Variants in MAGI2 observed in about 807,000 individuals in gnomAD.
MAGI2 encodes membrane-associated guanylate kinase, WW and PDZ domain-containing protein 2.
In MAGI2, 35 loss-of-function variants were observed where a neutral mutation model predicts 133.3. The observed-to-expected ratio is 0.26, with a 90% CI of 0.20 to 0.35. The LOEUF (loss-of-function observed/expected upper bound fraction) is 0.35, where lower values mean the gene tolerates loss of function less well. Ranked by LOEUF, MAGI2 falls within the 10% of genes least tolerant of loss-of-function variation. MAGI2 has a pLI of 1.00. For missense variants in MAGI2, 1,636 were observed against 1,863.4 expected (o/e 0.88, Z 2.25); for synonymous variants, 729 against 710.6 (o/e 1.03, Z -0.41).
At chr7:78,060,168 C>T (rs1431140706) in intron 21 of MAGI2, among the ~76,000 whole-genome samples, 1 of 151,672 alleles carries the variant, frequency 6.6e-6, no homozygotes, top group Admixed American at 6.6e-5. Flanking sequence ...AGTTTTCTTC[C>T]ACTCAACAAT....
intron 9 of MAGI2, among the ~76,000 whole-genome samples, chr7:78,278,430 G>A (rs1033057150): frequency 1.3e-5 from 2 of 152,006 alleles, no homozygotes; most frequent in South Asian, 2.1e-4. Flanking sequence ...GGATTGATAT[G>A]GTTTTTATAA....
At chr7:78,038,772 A>C (rs544135103) in intron 21 of MAGI2, among the ~76,000 whole-genome samples, 1 of 152,390 alleles carries the variant, frequency 6.6e-6, no homozygotes, top group East Asian at 1.9e-4. Flanking sequence ...AGTGAATGAT[A>C]GTTGCAGGAA....
At chr7:78,415,031 G>T (rs1333956470) in intron 6 of MAGI2, among the ~76,000 whole-genome samples, 1 of 151,966 alleles carries the variant, frequency 6.6e-6, no homozygotes, top group East Asian at 1.9e-4. Flanking sequence ...TTCATAAAAA[G>T]GTCCAACTTA....
intron 2 of MAGI2, among the ~76,000 whole-genome samples, chr7:78,796,274 A>T (rs1583922895): frequency 6.6e-6 from 1 of 152,332 alleles, no homozygotes; most frequent in South Asian, 2.1e-4. Context: ...TAAGGAACTC[A>T]AACAACTCAG....
chr7:79,105,598 C>CT (rs1255490584), intron 1 of MAGI2, among the ~76,000 whole-genome samples: 1 of 152,186 alleles, frequency 6.6e-6, no homozygotes, highest in Admixed American at 6.5e-5. Flanking sequence ...TGCTTCTCAG[C>CT]TGCCTCTGTC....
At chr7:79,305,208 TTTCAAAAAATTATA>T (rs1465658937) in intron 1 of MAGI2, among the ~76,000 whole-genome samples, 2 of 152,148 alleles carry the variant, frequency 1.3e-5, no homozygotes, top group Non-Finnish European at 2.9e-5. Context: ...AGAGCAGATT[TTTCAAAAAATTATA>T]TTTAAGTTTT....
At chr7:79,369,311 G>A (rs1395339365) in intron 1 of MAGI2, among the ~76,000 whole-genome samples, 1 of 152,136 alleles carries the variant, frequency 6.6e-6, no homozygotes, top group African/African-American at 2.4e-5. Flanking sequence ...TCTACAGGTT[G>A]TTCTGCAGGC....
Position 78,457,762 on chromosome 7 carries a change from T to A in MAGI2, c.1045+31999A>T, listed in dbSNP as rs536859721. Among the ~76,000 whole-genome samples the A allele has an allele frequency of 2.0e-5, 3 of 152,266 alleles. No homozygotes were observed. In the East Asian group the frequency reaches 5.8e-4, roughly 29 times the overall value. On this transcript the variant is annotated intron_variant, in intron 6 of 21. Transcript: ENST00000354212. ...TATTTTTATAGACTAAAAATACAGC[T>A]CATGACAATGATGTAAATTGTCCCA...
intron 9 of MAGI2, among the ~76,000 whole-genome samples, chr7:78,259,632 C>A (rs994370714): frequency 6.6e-6 from 1 of 152,134 alleles, no homozygotes; most frequent in African/African-American, 2.4e-5. Flanking sequence ...ATTGTGGAAA[C>A]AATGGGTTTC....
At chr7:78,894,246 A>G (rs1352563528) in intron 2 of MAGI2, among the ~76,000 whole-genome samples, 1 of 152,128 alleles carries the variant, frequency 6.6e-6, no homozygotes, top group Admixed American at 6.5e-5. Context: ...CTAAAAATAC[A>G]AAATTTAGCT....
intron 2 of MAGI2, among the ~76,000 whole-genome samples, chr7:78,880,738 T>G (rs780610291): frequency 5.9e-5 from 9 of 152,176 alleles, no homozygotes; most frequent in Non-Finnish European, 1.3e-4. Flanking sequence ...TAACCTTATA[T>G]GTAAATGCTC....
intron 1 of MAGI2, among the ~76,000 whole-genome samples, chr7:79,047,086 G>A (rs865793424): frequency 6.6e-6 from 1 of 152,000 alleles, no homozygotes; most frequent in African/African-American, 2.4e-5. Context: ...TCCCTTTTGG[G>A]AATAGGAATA....
At chr7:78,467,769 A>C (rs555705731) in intron 6 of MAGI2, among the ~76,000 whole-genome samples, 1 of 152,300 alleles carries the variant, frequency 6.6e-6, no homozygotes, top group Admixed American at 6.5e-5. Flanking sequence ...TAACATTTTT[A>C]ATAGCAGAAC....
intron 6 of MAGI2, among the ~76,000 whole-genome samples, chr7:78,448,508 T>A (rs540834323): frequency 9.2e-5 from 14 of 152,222 alleles, no homozygotes; most frequent in Admixed American, 8.5e-4. Context: ...AAGAAGTTAC[T>A]AAATCTGAAC....
intron 3 of MAGI2, among the ~76,000 whole-genome samples, chr7:78,568,735 A>T (rs1801198394): frequency 6.6e-6 from 1 of 152,144 alleles, no homozygotes; most frequent in Non-Finnish European, 1.5e-5. Context: ...AGGCTTTAAA[A>T]TGTTGTACAT....
At chr7:78,384,496 T>C (rs1795204760) in intron 6 of MAGI2, among the ~76,000 whole-genome samples, 1 of 152,216 alleles carries the variant, frequency 6.6e-6, no homozygotes, top group Admixed American at 6.6e-5. Context: ...TCATAGGCTA[T>C]TACATGTCAT....
At chr7:79,131,962 C>G (rs1417587426) in intron 1 of MAGI2, among the ~76,000 whole-genome samples, 1 of 151,990 alleles carries the variant, frequency 6.6e-6, no homozygotes, top group African/African-American at 2.4e-5. Context: ...AAACACAAAA[C>G]CAGATATTAA....
chr7:78,522,553 T>G (rs1796596426), intron 3 of MAGI2, among the ~76,000 whole-genome samples: 1 of 152,130 alleles, frequency 6.6e-6, no homozygotes, highest in African/African-American at 2.4e-5. Context: ...CTAATTTTTG[T>G]ATTTTTAGTA....
chr7:78,141,722 A>G (rs1445265813), intron 16 of MAGI2, among the ~76,000 whole-genome samples: 1 of 152,164 alleles, frequency 6.6e-6, no homozygotes, highest in Non-Finnish European at 1.5e-5. Flanking sequence ...CCCAGCACCC[A>G]TGAGTCATTC....
Sources: allele counts gnomAD v4.1 joint callset (sites outside exome capture counted in the v4.1 genomes callset), GRCh38; gene constraint gnomAD v4.1.1; transcripts MANE v1.5; gene names NCBI Gene and HGNC (gene_info 2026-07-23, HGNC 2026-07-21).